Variants in CSMD1 observed in about 807,000 individuals in gnomAD.
CSMD1 encodes CUB and sushi domain-containing protein 1.
In CSMD1, 213 loss-of-function variants were observed where a neutral mutation model predicts 417.5. The ratio of observed to expected loss-of-function variants is 0.51; its 90% CI spans 0.46 to 0.57. The LOEUF (loss-of-function observed/expected upper bound fraction) is 0.57, where lower values mean the gene tolerates loss of function less well. Among genes scored for constraint, CSMD1 ranks in the 20% least tolerant of loss-of-function variants. The pLI is 0.00. For synonymous variants in CSMD1, 2,862 were observed against 1,736.8 expected (o/e 1.65, Z -16.11); for missense variants, 6,923 against 4,529.7 (o/e 1.53, Z -15.17).
chr8:4,446,733 C>CTGTGTGTGTGTGTGTGTGTGTGTCTG (rs758084825), intron 2 of CSMD1, among the ~76,000 whole-genome samples: 1 of 134,038 alleles, frequency 7.5e-6, no homozygotes, highest in African/African-American at 2.8e-5. Context: ...GTGTGTGTGT[C>CTGTGTGTGTGTGTGTGTGTGTGTCTG]TGTGTGTGTG....
At chr8:4,755,403 G>C (rs762443298) in intron 1 of CSMD1, among the ~76,000 whole-genome samples, 3 of 151,762 alleles carry the variant, frequency 2.0e-5, no homozygotes, top group Admixed American at 6.6e-5. Flanking sequence ...TGAAATACTT[G>C]GTTCTGATGA....
intron 10 of CSMD1, among the ~76,000 whole-genome samples, chr8:3,555,246 C>T (rs990623831): frequency 6.6e-6 from 1 of 151,016 alleles, no homozygotes; most frequent in African/African-American, 2.4e-5. Flanking sequence ...TGTGACAGGG[C>T]ATTTAGCTAG....
At chr8:3,645,402 G>T (rs1483666959) in intron 7 of CSMD1, among the ~76,000 whole-genome samples, 4 of 152,202 alleles carry the variant, frequency 2.6e-5, no homozygotes, top group African/African-American at 7.2e-5. Context: ...CTCGGCTTCG[G>T]GTGTCTGGGT....
intron 1 of CSMD1, among the ~76,000 whole-genome samples, chr8:4,752,901 T>C (rs1337036762): frequency 1.3e-5 from 2 of 152,174 alleles, no homozygotes; most frequent in East Asian, 1.9e-4. Flanking sequence ...TGCACCACAC[T>C]TTCCAGCGCT....
chr8:4,874,417 T>A (rs373678759), intron 1 of CSMD1, among the ~76,000 whole-genome samples: 18 of 135,510 alleles, frequency 1.3e-4, no homozygotes, highest in East Asian at 1.3e-3. Flanking sequence ...TGAGACGGAG[T>A]CTTGCTCTGT....
chr8:4,981,706 AC>A (rs925952033), intron 1 of CSMD1, among the ~76,000 whole-genome samples: 72 of 152,142 alleles, frequency 4.7e-4, no homozygotes, highest in African/African-American at 1.7e-3. Context: ...GCCATGCGGC[AC>A]CCCCACCTGC....
At chr8:3,372,592 G>C (rs1197095457) in intron 18 of CSMD1, among the ~76,000 whole-genome samples, 1 of 152,118 alleles carries the variant, frequency 6.6e-6, no homozygotes, top group Non-Finnish European at 1.5e-5. Flanking sequence ...TGGGCATTAC[G>C]ATAAAAAGGA....
intron 5 of CSMD1, among the ~76,000 whole-genome samples, chr8:3,985,642 C>G (rs946059678): frequency 1.3e-5 from 2 of 152,148 alleles, no homozygotes; most frequent in African/African-American, 4.8e-5. Flanking sequence ...AACCGTTGCA[C>G]TCACAGAAGC....
intron 1 of CSMD1, among the ~76,000 whole-genome samples, chr8:4,869,098 T>C (rs867442603): frequency 2.6e-4 from 40 of 152,068 alleles, no homozygotes; most frequent in African/African-American, 8.7e-4. Context: ...CAATTTCTCA[T>C]TGTATTATTT....
intron 1 of CSMD1, among the ~76,000 whole-genome samples, chr8:4,738,197 GT>G (rs1279829287): frequency 6.6e-6 from 1 of 152,068 alleles, no homozygotes; most frequent in Non-Finnish European, 1.5e-5. Context: ...CAAATAGTCC[GT>G]TTTTATTAAA....
intron 11 of CSMD1, among the ~76,000 whole-genome samples, chr8:3,490,652 G>T (rs1818320216): frequency 2.0e-5 from 3 of 152,094 alleles, no homozygotes; most frequent in Admixed American, 6.6e-5. Context: ...GCAGAGAGAA[G>T]GAAAATGACT....
chr8:4,757,553 C>T (rs1452463143), intron 1 of CSMD1, among the ~76,000 whole-genome samples: 1 of 152,150 alleles, frequency 6.6e-6, no homozygotes. Context: ...GTGACACAGA[C>T]TATTCTGGAT....
At chr8:3,442,515 G>C (rs1444418860) in intron 12 of CSMD1, among the ~76,000 whole-genome samples, 1 of 152,098 alleles carries the variant, frequency 6.6e-6, no homozygotes, top group African/African-American at 2.4e-5. Context: ...GTTACTTCTT[G>C]TTACAATTGC....
intron 3 of CSMD1, among the ~76,000 whole-genome samples, chr8:4,079,498 C>T (rs930342778): frequency 9.2e-5 from 14 of 152,106 alleles, no homozygotes; most frequent in African/African-American, 2.9e-4. Flanking sequence ...TATTATTGTG[C>T]CTATTGAAAC....
chr8:4,525,024 G>A (rs775848678), intron 2 of CSMD1, among the ~76,000 whole-genome samples: 9 of 152,086 alleles, frequency 5.9e-5, no homozygotes, highest in Admixed American at 4.6e-4. Context: ...TTTATATTTT[G>A]AATCAAGACA....
At chr8:4,224,400 A>T (rs1159524433) in intron 3 of CSMD1, among the ~76,000 whole-genome samples, 1 of 152,210 alleles carries the variant, frequency 6.6e-6, no homozygotes. Context: ...TCAACTTCAG[A>T]AAGTCATATT....
At chr8:3,599,408 A>G (rs1801253116) in intron 8 of CSMD1, among the ~76,000 whole-genome samples, 1 of 152,102 alleles carries the variant, frequency 6.6e-6, no homozygotes, top group Admixed American at 6.5e-5. Context: ...ATTCACCACA[A>G]TATAGCACTA....
At chr8:3,263,017 C>T (rs965901302) in intron 26 of CSMD1, among the ~76,000 whole-genome samples, 16 of 152,182 alleles carry the variant, frequency 1.1e-4, no homozygotes. Flanking sequence ...CAATAAATCT[C>T]CTTGACCCAT....
intron 12 of CSMD1, among the ~76,000 whole-genome samples, chr8:3,441,218 C>G (rs1814962934): frequency 6.6e-6 from 1 of 152,036 alleles, no homozygotes; most frequent in African/African-American, 2.4e-5. Context: ...GGGAGCATGG[C>G]TTTGCTGACA....
Sources: gnomAD v4.1 joint callset for allele counts (sites outside exome capture counted in the v4.1 genomes callset) on GRCh38, gnomAD v4.1.1 for gene constraint, MANE v1.5 for transcripts, NCBI Gene and HGNC (gene_info 2026-07-23, HGNC 2026-07-21) for gene names.